The following ZNF280D variants were observed in gnomAD, a reference collection of about 807,000 sequenced individuals.
ZNF280D encodes the protein suppressor of hairy wing homolog 4.
In ZNF280D, 39 loss-of-function variants were observed where a neutral mutation model predicts 94.7. The observed-to-expected ratio is 0.41, with a 90% CI of 0.32 to 0.54. The LOEUF (loss-of-function observed/expected upper bound fraction) is 0.54. ZNF280D is among the 20% of genes least tolerant of loss of function. ZNF280D has a pLI of 0.22. For missense variants in ZNF280D, 1,090 were observed against 1,149.3 expected, an observed-to-expected ratio of 0.95 and a Z score of 0.75; for synonymous variants, 398 against 377.6, an observed-to-expected ratio of 1.05 and a Z score of -0.63.
chr15:56,703,182 A>G (rs2057189698), intron 4 of ZNF280D, among the ~76,000 whole-genome samples: 1 of 152,218 alleles, frequency 6.6e-6, no homozygotes, highest in Non-Finnish European at 1.5e-5. Flanking sequence ...TTCAAAGCTA[A>G]TAAGCCACAA....
intron 16 of ZNF280D, among the ~76,000 whole-genome samples, chr15:56,660,287 G>T (rs1463177012): frequency 6.6e-6 from 1 of 152,038 alleles, no homozygotes; most frequent in Admixed American, 6.6e-5. Context: ...CAAACAAGCA[G>T]GCTATTTATG....
chr15:56,689,076 A>C lies in ZNF280D; in HGVS notation c.745T>G (p.Phe249Val). 3 of 1,610,120 alleles carry C rather than the reference A, an allele frequency of 1.9e-6. No homozygotes were observed. The highest frequency in any genetic ancestry group is 2.5e-6 in the Non-Finnish European group (3 of 1,178,540). The change falls in exon 9 of 22, where the codon TTC (phenylalanine) becomes GTC (valine). Residue 249 changes from phenylalanine (F) to valine (V), a missense_variant. By Grantham distance (50) the Phe-to-Val change is conservative. This residue lies in a region of ZNF280D where 386 missense variants were observed against 372.0 expected (regional missense o/e 1.04). Coordinates refer to ENST00000267807, the MANE Select transcript of ZNF280D (RefSeq NM_017661.4). ...TTTTTCAAAGGATCCAAAAGATTGAAATGAATGTTGCACTTTGGACAAGCT... is the reference window on the plus strand; with the variant it reads ...TTTTTCAAAGGATCCAAAAGATTGACATGAATGTTGCACTTTGGACAAGCT... Reference protein sequence around the residue: ...PRACPKCNIHFNLLDPLKNHM... With the variant: ...PRACPKCNIHVNLLDPLKNHM...
intron 12 of ZNF280D, 82 bp downstream of exon 12, chr15:56,677,492 C>A: frequency 1.1e-6 from 1 of 950,356 alleles, no homozygotes. Context: ...GTTTGCTGAC[C>A]GCTGGTCTAA....
At chr15:56,689,007 A>G (rs1002969032) in intron 9 of ZNF280D, 34 bp downstream of exon 9, 1 of 1,467,620 alleles carries the variant, frequency 6.8e-7, no homozygotes. Context: ...AAATGTGCAA[A>G]CTTTTTACAA....
At chr15:56,638,784 T>G in intron 20 of ZNF280D, among the ~76,000 whole-genome samples, 1 of 152,180 alleles carries the variant, frequency 6.6e-6, no homozygotes. Context: ...TTAGTAATTT[T>G]TGAGACTACA....
intron 1 of ZNF280D, among the ~76,000 whole-genome samples, chr15:56,719,065 G>A (rs1212113625): frequency 6.6e-6 from 1 of 152,132 alleles, no homozygotes; most frequent in African/African-American, 2.4e-5. Context: ...CACAGAAACT[G>A]TTCCCTAACA....
chr15:56,677,126 T>C (rs1238919040), intron 12 of ZNF280D, among the ~76,000 whole-genome samples: 10 of 152,222 alleles, frequency 6.6e-5, no homozygotes, highest in Non-Finnish European at 1.3e-4. Flanking sequence ...CTCTATAAAA[T>C]GTTTTTCTGC....
intron 1 of ZNF280D, among the ~76,000 whole-genome samples, chr15:56,725,878 C>T (rs1200732619): frequency 6.6e-6 from 1 of 151,140 alleles, no homozygotes; most frequent in South Asian, 2.1e-4. Flanking sequence ...TGTTTACAAA[C>T]ACAAAGAAAC....
intron 16 of ZNF280D, among the ~76,000 whole-genome samples, chr15:56,659,391 G>A (rs968738846): frequency 6.6e-6 from 1 of 151,764 alleles, no homozygotes; most frequent in African/African-American, 2.4e-5. Flanking sequence ...CCTCACCACC[G>A]TTAACCACAT....
intron 1 of ZNF280D, among the ~76,000 whole-genome samples, chr15:56,719,667 A>G (rs2058240555): frequency 6.6e-6 from 1 of 152,092 alleles, no homozygotes; most frequent in African/African-American, 2.4e-5. Context: ...AGATATTTAA[A>G]CGCACCTCAA....
intron 13 of ZNF280D, among the ~76,000 whole-genome samples, chr15:56,672,926 T>A (rs1321303029): frequency 6.6e-6 from 1 of 151,912 alleles, no homozygotes; most frequent in Admixed American, 6.6e-5. Flanking sequence ...ACTACAGCCT[T>A]GACCTCCTAG....
chr15:56,722,028 TAA>T (rs1384720299), intron 1 of ZNF280D, among the ~76,000 whole-genome samples: 1 of 152,182 alleles, frequency 6.6e-6, no homozygotes, highest in African/African-American at 2.4e-5. Flanking sequence ...CAGGCCATTA[TAA>T]AGTTATTAAT....
chr15:56,709,786 C>G (rs1367962379), intron 1 of ZNF280D, among the ~76,000 whole-genome samples: 3 of 152,174 alleles, frequency 2.0e-5, no homozygotes, highest in African/African-American at 7.2e-5. Flanking sequence ...CATGTTCTCA[C>G]TCATAGATGG....
chr15:56,666,330 T>C, intron 16 of ZNF280D, 65 bp downstream of exon 16: 1 of 1,564,440 alleles, frequency 6.4e-7, no homozygotes, highest in Non-Finnish European at 8.7e-7. Context: ...ATAACTTTGT[T>C]TTTGAAACAG....
chr15:56,682,193 A>G (rs1255292392), intron 10 of ZNF280D, 61 bp downstream of exon 10: 1 of 1,216,662 alleles, frequency 8.2e-7, no homozygotes, highest in Non-Finnish European at 1.2e-6. Flanking sequence ...AAATAAAAGT[A>G]TAACATTTTT....
chr15:56,701,858 C>G (rs1226377838), intron 4 of ZNF280D, among the ~76,000 whole-genome samples: 2 of 151,884 alleles, frequency 1.3e-5, no homozygotes, highest in Admixed American at 6.6e-5. Context: ...TCAAATTTAC[C>G]ACTACACCAG....
chr15:56,694,294 TACACACACACACACAC>T lies in ZNF280D; in HGVS notation c.382-1095_382-1080del, dbSNP rs57017142. Among the ~76,000 whole-genome samples, 167 of 138,502 alleles carry T rather than the reference TACACACACACACACAC, an allele frequency of 1.2e-3. 1 individual carries two copies. The highest frequency in any genetic ancestry group is 0.011 in the East Asian group (54 of 4,696). The allele number at this position is 138,502 out of a possible 152,430, so 90.9% of individuals were successfully genotyped here. ...ATTATACATTAAATATAATGACACA[TACACACACACACACAC>T]ACACACACACACACACACACACACA... On this transcript the variant is annotated intron_variant, in intron 6 of 21. Transcript: ENST00000267807.
chr15:56,648,826 T>A (rs1027098152), intron 19 of ZNF280D, among the ~76,000 whole-genome samples: 1 of 152,146 alleles, frequency 6.6e-6, no homozygotes, highest in African/African-American at 2.4e-5. Flanking sequence ...AGAATCTGCT[T>A]GAGAGTATAC....
chr15:56,651,864 G>C (rs1475488333), intron 19 of ZNF280D, among the ~76,000 whole-genome samples: 1 of 152,050 alleles, frequency 6.6e-6, no homozygotes, highest in African/African-American at 2.4e-5. Context: ...AGGATTGACT[G>C]TACTCCTACA....
Sources: gnomAD v4.1 joint callset for allele counts (sites outside exome capture counted in the v4.1 genomes callset) on GRCh38, gnomAD v4.1.1 for gene constraint, gnomAD v4.1.1 regional missense constraint, MANE v1.5 for transcripts, NCBI Gene and HGNC (gene_info 2026-07-23, HGNC 2026-07-21) for gene names.